LRMDA: variants seen among roughly 807,000 people sequenced by gnomAD.
LRMDA encodes the protein leucine-rich melanocyte differentiation-associated protein.
In LRMDA, 18 loss-of-function variants were observed where a neutral mutation model predicts 29.8. The observed-to-expected ratio is 0.60, with a 90% CI of 0.42 to 0.90. The LOEUF (loss-of-function observed/expected upper bound fraction) is 0.90, where lower values mean the gene tolerates loss of function less well. LRMDA is among the 40% of genes least tolerant of loss of function. The probability of loss-of-function intolerance (pLI) is 0.00; values close to 1 mark genes in which losing one functional copy is unlikely to be tolerated. For synonymous variants in LRMDA, 125 were observed against 109.4 expected, an observed-to-expected ratio of 1.14 and a Z score of -0.89; for missense variants, 273 against 273.9, an observed-to-expected ratio of 1.00 and a Z score of 0.02.
chr10:75,649,101 T>C (rs1392092430), intron 2 of LRMDA, among the ~76,000 whole-genome samples: 3 of 152,216 alleles, frequency 2.0e-5, no homozygotes, highest in Non-Finnish European at 2.9e-5. Flanking sequence ...CATTAAACAG[T>C]AACTCCCCAT....
intron 2 of LRMDA, among the ~76,000 whole-genome samples, chr10:75,567,194 A>C (rs1363960433): frequency 6.6e-6 from 1 of 152,016 alleles, no homozygotes; most frequent in Non-Finnish European, 1.5e-5. Context: ...CTCTGCTCCA[A>C]AGCACTGTTT....
At chr10:75,824,652 TG>T (rs1844219136) in intron 2 of LRMDA, among the ~76,000 whole-genome samples, 2 of 152,216 alleles carry the variant, frequency 1.3e-5, no homozygotes, top group Non-Finnish European at 2.9e-5. Context: ...TTCTGGCTTT[TG>T]CTCCCTCTTA....
chr10:76,147,053 C>A (rs7068037), intron 5 of LRMDA, among the ~76,000 whole-genome samples: 112,353 of 152,170 alleles, frequency 0.74, 42,551 homozygotes, highest in East Asian at 0.93. Flanking sequence ...CTGAGAGATC[C>A]GCTGTTAGTC....
chr10:76,077,697 C>T (rs1362120186), intron 5 of LRMDA, among the ~76,000 whole-genome samples: 2 of 151,990 alleles, frequency 1.3e-5, no homozygotes, highest in Non-Finnish European at 2.9e-5. Flanking sequence ...GTGATGAGGG[C>T]AGAAGAAGCT....
intron 6 of LRMDA, among the ~76,000 whole-genome samples, chr10:76,434,742 A>G (rs981805480): frequency 6.6e-6 from 1 of 152,198 alleles, no homozygotes; most frequent in African/African-American, 2.4e-5. Flanking sequence ...CATCTAGAAA[A>G]ATAAAACCAG....
chr10:75,554,418 AG>A (rs577918244), intron 2 of LRMDA, among the ~76,000 whole-genome samples: 80 of 152,302 alleles, frequency 5.3e-4, no homozygotes, highest in African/African-American at 1.8e-3. Context: ...CATAGCTGTG[AG>A]ATTGATGTGA....
intron 2 of LRMDA, among the ~76,000 whole-genome samples, chr10:76,020,876 A>G (rs1358822264): frequency 6.6e-6 from 1 of 152,200 alleles, no homozygotes; most frequent in African/African-American, 2.4e-5. Flanking sequence ...ATGCCTTCCT[A>G]TGAGTGTCTT....
chr10:76,528,594 T>C (rs1843202866), intron 6 of LRMDA, among the ~76,000 whole-genome samples: 1 of 152,152 alleles, frequency 6.6e-6, no homozygotes, highest in Admixed American at 6.5e-5. Flanking sequence ...AACAACAATA[T>C]AGTCTTTATG....
intron 6 of LRMDA, among the ~76,000 whole-genome samples, chr10:76,488,304 C>G (rs1842802060): frequency 6.6e-6 from 1 of 151,748 alleles, no homozygotes; most frequent in African/African-American, 2.4e-5. Flanking sequence ...CTAAATTTCC[C>G]TAATGACCTT....
intron 6 of LRMDA, among the ~76,000 whole-genome samples, chr10:76,522,799 G>C (rs1050717244): frequency 1.3e-5 from 2 of 152,190 alleles, no homozygotes; most frequent in African/African-American, 4.8e-5. Flanking sequence ...CTCCTGGGCA[G>C]GGACAAGGAT....
intron 2 of LRMDA, among the ~76,000 whole-genome samples, chr10:75,851,230 G>A (rs1844727920): frequency 6.6e-6 from 1 of 152,094 alleles, no homozygotes; most frequent in Non-Finnish European, 1.5e-5. Flanking sequence ...TGACATGAAG[G>A]GTGCTGGGAT....
At chr10:75,694,144 C>T (rs958128348) in intron 2 of LRMDA, among the ~76,000 whole-genome samples, 3 of 152,160 alleles carry the variant, frequency 2.0e-5, no homozygotes, top group Non-Finnish European at 2.9e-5. Flanking sequence ...TCTCTGTTTG[C>T]TTGGCTCAGT....
chr10:76,421,008 C>T (rs1483458024), intron 6 of LRMDA, among the ~76,000 whole-genome samples: 2 of 152,126 alleles, frequency 1.3e-5, no homozygotes, highest in East Asian at 1.9e-4. Flanking sequence ...TCTTCATTTG[C>T]GTGTGTGTAT....
intron 2 of LRMDA, among the ~76,000 whole-genome samples, chr10:75,773,893 G>A (rs551278652): frequency 6.6e-6 from 1 of 152,306 alleles, no homozygotes; most frequent in East Asian, 1.9e-4. Context: ...AGGTAGTTGT[G>A]TTTCATTATA....
intron 2 of LRMDA, among the ~76,000 whole-genome samples, chr10:75,733,823 G>A (rs752988555): frequency 6.6e-6 from 1 of 152,084 alleles, no homozygotes; most frequent in Non-Finnish European, 1.5e-5. Flanking sequence ...AAGATGTTGG[G>A]GATAATGACA....
At chr10:75,873,195 T>G (rs968215584) in intron 2 of LRMDA, among the ~76,000 whole-genome samples, 7 of 152,204 alleles carry the variant, frequency 4.6e-5, no homozygotes, top group Non-Finnish European at 2.9e-5. Flanking sequence ...ACATAACTTC[T>G]AAGAATGCCA....
chr10:76,050,685 A>G (rs981014240), intron 4 of LRMDA, among the ~76,000 whole-genome samples: 1 of 152,228 alleles, frequency 6.6e-6, no homozygotes, highest in Non-Finnish European at 1.5e-5. Flanking sequence ...AGAGACCACC[A>G]TGCTACTGAG....
At chr10:75,719,796 GTC>G (rs1282660909) in intron 2 of LRMDA, among the ~76,000 whole-genome samples, 4 of 152,164 alleles carry the variant, frequency 2.6e-5, no homozygotes, top group African/African-American at 9.7e-5. Context: ...GCAGTAAAGA[GTC>G]TTTAAGAACT....
chr10:75,547,814 T>C (rs1156840189), intron 2 of LRMDA, among the ~76,000 whole-genome samples: 4 of 152,184 alleles, frequency 2.6e-5, no homozygotes, highest in Non-Finnish European at 5.9e-5. Context: ...ATAAAAAAGA[T>C]AGAAACCTGG....
Sources: gnomAD v4.1 joint callset for allele counts (sites outside exome capture counted in the v4.1 genomes callset) on GRCh38, gnomAD v4.1.1 for gene constraint, MANE v1.5 for transcripts, NCBI Gene and HGNC (gene_info 2026-07-23, HGNC 2026-07-21) for gene names.